RC3H1: variants seen among roughly 807,000 people sequenced by gnomAD.
RC3H1 encodes the protein roquin-1.
In RC3H1, 50 loss-of-function variants were observed where a neutral mutation model predicts 138.2. That is an observed-to-expected ratio of 0.36 (90% CI 0.29 to 0.46). The LOEUF is 0.46. Ranked by LOEUF, RC3H1 falls within the 20% of genes least tolerant of loss-of-function variation. The pLI is 1.00. For synonymous variants in RC3H1, 462 were observed against 489.1 expected (o/e 0.94, Z 0.73); for missense variants, 1,031 against 1,388.1 (o/e 0.74, Z 4.09).
chr1:173,954,373 G>A (rs1439904693), intron 13 of RC3H1, among the ~76,000 whole-genome samples: 1 of 152,098 alleles, frequency 6.6e-6, no homozygotes, highest in Non-Finnish European at 1.5e-5. Flanking sequence ...CTAAAAAGTT[G>A]AGTCACAGAA....
In RC3H1 at chr1:173,993,078, CTTT is replaced by C; in HGVS notation, c.-96_-94del. On this transcript the variant is annotated 5_prime_UTR_variant, in exon 2 of 20. Transcript: ENST00000367696. ...TCAAAATCTTTGAAAAAAAGTTTAT[CTTT>C]TTTTTTTTTAAATATCTTCTGTAGA... 1.5e-6 allele frequency: 1 copy of C among 668,352 alleles called. No homozygotes were observed. The highest frequency in any genetic ancestry group is 2.3e-6 in the Non-Finnish European group (1 of 426,678). The allele number at this position is 668,352 out of a possible 1,614,324, so 41.4% of individuals were successfully genotyped here.
chr1:173,943,746 G>A, intron 17 of RC3H1, 131 bp from the exon 18 acceptor site: 2 of 774,720 alleles, frequency 2.6e-6, no homozygotes, highest in Non-Finnish European at 3.8e-6. Context: ...TAATGCAACT[G>A]TAAGGTGCTG....
intron 13 of RC3H1, 87 bp from the exon 14 acceptor site, chr1:173,952,225 A>C (rs1659437102): frequency 1.5e-5 from 14 of 921,446 alleles, no homozygotes; most frequent in Admixed American, 1.1e-4. Flanking sequence ...CAAGACAGAG[A>C]AAGCAGGGAA....
intron 17 of RC3H1, among the ~76,000 whole-genome samples, 155 bp from the exon 18 acceptor site, chr1:173,943,770 CCATT>C (rs1319163360): frequency 1.3e-5 from 2 of 152,224 alleles, no homozygotes; most frequent in East Asian, 3.9e-4. Flanking sequence ...TCTTTGAGTA[CCATT>C]CAAACAAAAA....
intron 2 of RC3H1, among the ~76,000 whole-genome samples, chr1:173,985,518 G>A (rs962919960): frequency 6.6e-6 from 1 of 151,914 alleles, no homozygotes; most frequent in Non-Finnish European, 1.5e-5. Flanking sequence ...ATTGTGGTTT[G>A]TCTAAATTTT....
chr1:173,943,933 AG>A (rs1659020771), intron 17 of RC3H1, among the ~76,000 whole-genome samples: 2 of 152,070 alleles, frequency 1.3e-5, no homozygotes, highest in Non-Finnish European at 2.9e-5. Context: ...CTGAGGTGGG[AG>A]GATCACTTGA....
At chr1:173,980,729 T>A in intron 6 of RC3H1, 80 bp downstream of exon 6, 1 of 1,019,792 alleles carries the variant, frequency 9.8e-7, no homozygotes, top group African/African-American at 1.6e-5. Flanking sequence ...TATACAGTAT[T>A]CACTTTAATA....
In RC3H1 at chr1:173,932,313, A is replaced by G. The variant is rs1282714243; in HGVS notation, c.*6408T>C. 1 of 152,178 alleles carries G rather than the reference A, an allele frequency of 6.6e-6. No individual in the cohort carries two copies. The highest frequency in any genetic ancestry group is 1.9e-4 in the East Asian group (1 of 5,200). 9.4% of individuals were successfully genotyped at this position (152,178 alleles called of 1,614,324 possible). ...TGCAGAATGTCTCGGGGAGACTGAT[A>G]TGAGCCTAAAGACCAAATTACCATA... On this transcript the variant is annotated 3_prime_UTR_variant, in exon 20 of 20. Transcript: ENST00000367696.
chr1:173,997,115 T>TA (rs1347284331), intron 1 of RC3H1, among the ~76,000 whole-genome samples: 6 of 151,880 alleles, frequency 4.0e-5, no homozygotes, highest in Admixed American at 1.3e-4. Context: ...GTCCCAGCTA[T>TA]ATGGGAGGCT....
rs1658450899 is a variant in RC3H1 at position 173,933,116 on chromosome 1, T to C, written c.*5605A>G. ...AGGATTTTATTTTTCTAAATACACA[T>C]TTTTGGACACGATATTATGTTGAGG... On this transcript the variant is annotated 3_prime_UTR_variant, in exon 20 of 20. Transcript: ENST00000367696. 6.6e-6 allele frequency: 1 copy of C among 152,078 alleles called. No individual in the cohort carries two copies. The highest frequency in any genetic ancestry group is 2.1e-4 in the South Asian group (1 of 4,822). The allele number at this position is 152,078 out of a possible 1,614,324, so 9.4% of individuals were successfully genotyped here.
intron 1 of RC3H1, among the ~76,000 whole-genome samples, chr1:173,997,675 C>T (rs1468451371): frequency 1.3e-5 from 2 of 152,088 alleles, no homozygotes; most frequent in Non-Finnish European, 2.9e-5. Context: ...AATCAGCAAT[C>T]AGTTCTTCAT....
Position 173,983,486 on chromosome 1 carries a change from T to C in RC3H1, c.524A>G (p.Asn175Ser), listed in dbSNP as rs142271156. The change falls in exon 4 of 20, where the codon AAT becomes AGT. Residue 175 changes from asparagine to serine, a missense_variant. Transcript: ENST00000367696. ...TVTELILQHQNPQQLSSNLWA... is the reference protein window; with the variant it reads ...TVTELILQHQSPQQLSSNLWA... The stretch of plus-strand genomic sequence containing the variant: ...AAGATTGGAAGAGAGTTGCTGAGGA[T>C]TCTGGTGCTGGAGAATGAGCTCTGT... The C allele has an allele frequency of 6.2e-7, 1 of 1,614,144 alleles. No individual in the cohort carries two copies. Among genetic ancestry groups the C allele is most frequent in the African/African-American group, 1.3e-5 (1 of 75,044 alleles).
intron 1 of RC3H1, among the ~76,000 whole-genome samples, chr1:174,014,999 G>A (rs191339000): frequency 3.9e-5 from 6 of 152,256 alleles, no homozygotes; most frequent in African/African-American, 1.4e-4. Flanking sequence ...CTAATGAGGT[G>A]TTGTATAGGT....
At chr1:173,994,001 C>T (rs995405950) in intron 1 of RC3H1, among the ~76,000 whole-genome samples, 1 of 79,236 alleles carries the variant, frequency 1.3e-5, no homozygotes, top group Admixed American at 1.9e-4. Context: ...CTCTGGGGAA[C>T]AAGAGTGAAA....
intron 18 of RC3H1, 38 bp downstream of exon 18, chr1:173,943,404 A>G: frequency 4.0e-6 from 6 of 1,517,230 alleles, no homozygotes; most frequent in African/African-American, 1.4e-5. Context: ...GAAAGATTTC[A>G]TTTCACCTTC....
intron 2 of RC3H1, among the ~76,000 whole-genome samples, chr1:173,991,092 T>C (rs911693954): frequency 6.6e-6 from 1 of 152,110 alleles, no homozygotes; most frequent in Non-Finnish European, 1.5e-5. Flanking sequence ...TAGCTGGGTA[T>C]GGTAGTGCAC....
At chr1:173,981,842 G>C (rs1206944418) in intron 5 of RC3H1, among the ~76,000 whole-genome samples, 7 of 152,088 alleles carry the variant, frequency 4.6e-5, no homozygotes, top group African/African-American at 1.4e-4. Context: ...AGAGGATGCA[G>C]TGAGCCAAGA....
In RC3H1 at chr1:173,962,054, C is replaced by G; in HGVS notation, c.1873G>C (p.Val625Leu). ...TCAGGAGCAGATGGTGGAGGTCGGA[C>G]AAAGCGGGACACACATTGTGGTGGT... ...TPPPQCVSRF[V>L]RPPPSAPEPA... Residue 625 changes from valine (V) to leucine (L), a missense_variant, in exon 12 of 20, where the codon GTC (valine) becomes CTC (leucine). Val to Leu is a conservative substitution (Grantham distance 32). Transcript: ENST00000367696. The G allele has an allele frequency of 6.2e-7, 1 of 1,613,780 alleles. No homozygotes were observed. The highest frequency in any genetic ancestry group is 8.5e-7 in the Non-Finnish European group (1 of 1,179,900).
At chr1:173,990,734 C>T (rs574800573) in intron 2 of RC3H1, among the ~76,000 whole-genome samples, 1 of 152,032 alleles carries the variant, frequency 6.6e-6, no homozygotes, top group South Asian at 2.1e-4. Flanking sequence ...TCCCAAGTAG[C>T]TGGGACTACA....
Sources: gnomAD v4.1 joint callset for allele counts (sites outside exome capture counted in the v4.1 genomes callset) on GRCh38, gnomAD v4.1.1 for gene constraint, MANE v1.5 for transcripts, NCBI Gene and HGNC (gene_info 2026-07-23, HGNC 2026-07-21) for gene names.